Variants in PID1 observed in about 807,000 individuals in gnomAD.
The protein encoded by PID1 is PTB-containing, cubilin and LRP1-interacting protein.
PID1 carries 10 observed loss-of-function variants against 19.1 expected under a neutral mutation model. The observed-to-expected ratio is 0.52, with a 90% CI of 0.32 to 0.89. The LOEUF (loss-of-function observed/expected upper bound fraction) is 0.89, where lower values mean the gene tolerates loss of function less well. Ranked by LOEUF, PID1 falls within the 40% of genes least tolerant of loss-of-function variation. The pLI is 0.03. For synonymous variants in PID1, 130 were observed against 116.0 expected (o/e 1.12, Z -0.78); for missense variants, 248 against 285.3 (o/e 0.87, Z 0.94).
At chr2:229,142,834 T>A (rs1690043896) in intron 2 of PID1, among the ~76,000 whole-genome samples, 1 of 151,918 alleles carries the variant, frequency 6.6e-6, no homozygotes, top group Non-Finnish European at 1.5e-5. Flanking sequence ...GACCCAGCCA[T>A]CCCATTACTG....
At chr2:229,239,103 T>C (rs1402480072) in intron 1 of PID1, among the ~76,000 whole-genome samples, 3 of 152,150 alleles carry the variant, frequency 2.0e-5, no homozygotes, top group Non-Finnish European at 4.4e-5. Context: ...TTTCTTACTA[T>C]AGAGAACAAG....
chr2:229,133,287 C>T (rs1215003464), intron 2 of PID1, among the ~76,000 whole-genome samples: 1 of 152,226 alleles, frequency 6.6e-6, no homozygotes, highest in South Asian at 2.1e-4. Flanking sequence ...AGGAAAGTAA[C>T]ACTTCCAGGC....
chr2:229,068,841 G>C (rs1042612471), intron 2 of PID1, among the ~76,000 whole-genome samples: 7 of 152,092 alleles, frequency 4.6e-5, no homozygotes, highest in African/African-American at 7.2e-5. Context: ...GCCCACAGAG[G>C]GTCCGCTATT....
chr2:229,158,789 A>C (rs1690433539), intron 1 of PID1, among the ~76,000 whole-genome samples: 1 of 152,218 alleles, frequency 6.6e-6, no homozygotes, highest in Admixed American at 6.5e-5. Context: ...TTCTTTAAAA[A>C]GTAGAGATCA....
At chr2:229,076,637 T>C (rs1484776764) in intron 2 of PID1, among the ~76,000 whole-genome samples, 1 of 152,094 alleles carries the variant, frequency 6.6e-6, no homozygotes, top group Non-Finnish European at 1.5e-5. Context: ...AGTGAGAACA[T>C]ACAGTGTTTG....
intron 1 of PID1, among the ~76,000 whole-genome samples, chr2:229,251,219 C>A (rs1055558481): frequency 2.0e-5 from 3 of 151,890 alleles, no homozygotes; most frequent in East Asian, 1.9e-4. Flanking sequence ...ATAAGTATTT[C>A]TTTTAATAAA....
intron 1 of PID1, among the ~76,000 whole-genome samples, chr2:229,163,173 T>TGC (rs1232838895): frequency 6.6e-5 from 10 of 152,150 alleles, no homozygotes; most frequent in Non-Finnish European, 1.2e-4. Flanking sequence ...TAATGCAAAA[T>TGC]AGGTCAAATA....
chr2:229,070,185 T>C (rs541003041), intron 2 of PID1, among the ~76,000 whole-genome samples: 1 of 152,346 alleles, frequency 6.6e-6, no homozygotes, highest in East Asian at 1.9e-4. Context: ...AATGCAAAGA[T>C]GACTGTTCCC....
chr2:229,049,846 A>T (rs1202536681), intron 2 of PID1, among the ~76,000 whole-genome samples: 1 of 152,164 alleles, frequency 6.6e-6, no homozygotes, highest in Non-Finnish European at 1.5e-5. Context: ...CAGTGTCATG[A>T]TACTGAGCTG....
chr2:229,095,805 A>G (rs1694961800), intron 2 of PID1, among the ~76,000 whole-genome samples: 1 of 152,182 alleles, frequency 6.6e-6, no homozygotes, highest in African/African-American at 2.4e-5. Context: ...GTCATAAAAA[A>G]AAGTCTTTGA....
At chr2:229,174,186 C>T (rs185486725) in intron 1 of PID1, among the ~76,000 whole-genome samples, 107 of 152,298 alleles carry the variant, frequency 7.0e-4, no homozygotes, top group African/African-American at 2.6e-3. Flanking sequence ...GGGAACAGAG[C>T]TTGATTCAGA....
intron 2 of PID1, among the ~76,000 whole-genome samples, chr2:229,101,473 C>A (rs1695072633): frequency 6.6e-6 from 1 of 152,188 alleles, no homozygotes; most frequent in Admixed American, 6.5e-5. Flanking sequence ...CACTGCCATG[C>A]CTTGAGTGAT....
chr2:229,048,297 C>T (rs1257086307), intron 2 of PID1, among the ~76,000 whole-genome samples: 1 of 152,148 alleles, frequency 6.6e-6, no homozygotes, highest in African/African-American at 2.4e-5. Context: ...TTGATCACCC[C>T]ATTGTTCCCA....
chr2:229,084,460 A>T (rs1188938421), intron 2 of PID1, among the ~76,000 whole-genome samples: 3 of 152,184 alleles, frequency 2.0e-5, no homozygotes, highest in Non-Finnish European at 2.9e-5. Context: ...CTCCAGGTTA[A>T]CCTAAAACGA....
intron 1 of PID1, among the ~76,000 whole-genome samples, chr2:229,187,866 A>G (rs1691168801): frequency 6.6e-6 from 1 of 152,162 alleles, no homozygotes; most frequent in African/African-American, 2.4e-5. Flanking sequence ...CCTCTTCTCC[A>G]GTATCCCTTT....
intron 2 of PID1, among the ~76,000 whole-genome samples, chr2:229,128,476 T>A (rs1695670373): frequency 6.6e-6 from 1 of 152,230 alleles, no homozygotes. Flanking sequence ...TGACTTTTGT[T>A]GCTTTGATAC....
intron 1 of PID1, among the ~76,000 whole-genome samples, chr2:229,211,713 C>T (rs1012056771): frequency 2.0e-5 from 3 of 152,174 alleles, no homozygotes; most frequent in Non-Finnish European, 4.4e-5. Flanking sequence ...GACTTTCCTT[C>T]CCACTATTGC....
At chr2:229,130,201 G>T (rs1265994192) in intron 2 of PID1, among the ~76,000 whole-genome samples, 1 of 152,204 alleles carries the variant, frequency 6.6e-6, no homozygotes, top group African/African-American at 2.4e-5. Context: ...GTCACAAAGA[G>T]CATTGATAAG....
At chr2:229,262,778 TCA>T in intron 1 of PID1, 1 of 1,551,546 alleles carries the variant, frequency 6.4e-7, no homozygotes, top group South Asian at 1.2e-5. Flanking sequence ...TCTTCTAACA[TCA>T]GGTGGTTGCC....
Sources: allele counts gnomAD v4.1 joint callset (sites outside exome capture counted in the v4.1 genomes callset), GRCh38; gene constraint gnomAD v4.1.1; transcripts MANE v1.5; gene names NCBI Gene and HGNC (gene_info 2026-07-23, HGNC 2026-07-21).